Variants in KIAA0513 observed in about 807,000 individuals in gnomAD.
KIAA0513 encodes uncharacterized protein KIAA0513.
Under a neutral mutation model 56.5 loss-of-function variants are expected in KIAA0513, and 39 were observed. That is an observed-to-expected ratio of 0.69 (90% CI 0.53 to 0.90). KIAA0513 has a LOEUF of 0.90. KIAA0513 is among the 40% of genes least tolerant of loss of function. KIAA0513 has a pLI of 0.00. For synonymous variants in KIAA0513, 268 were observed against 215.6 expected (o/e 1.24, Z -2.13); for missense variants, 591 against 535.2 (o/e 1.10, Z -1.03).
chr16:85,079,134 T>C, intron 8 of KIAA0513, 131 bp downstream of exon 8: 1 of 1,516,730 alleles, frequency 6.6e-7, no homozygotes. Flanking sequence ...AGTGGCAGAA[T>C]AAAAAGATGA....
intron 1 of KIAA0513, among the ~76,000 whole-genome samples, chr16:85,064,195 A>G (rs1007834973): frequency 1.3e-5 from 2 of 151,738 alleles, no homozygotes; most frequent in African/African-American, 2.4e-5. Context: ...GAGTAGAGAC[A>G]GGGTTTCACC....
intron 6 of KIAA0513, 79 bp from the exon 7 acceptor site, chr16:85,078,336 G>C (rs1201128322): frequency 6.6e-7 from 1 of 1,507,298 alleles, no homozygotes; most frequent in Non-Finnish European, 9.2e-7. Context: ...TCCCACCTTA[G>C]AAGTGTAGAA....
intron 4 of KIAA0513, among the ~76,000 whole-genome samples, chr16:85,074,896 A>C (rs370614074): frequency 2.2e-4 from 33 of 152,190 alleles, no homozygotes; most frequent in South Asian, 8.3e-4. Flanking sequence ...GCACTAGGCT[A>C]AAAGTAATTC....
chr16:85,081,592 C>T lies in KIAA0513; in HGVS notation c.980+200C>T, dbSNP rs531439695. 6.6e-6 allele frequency among the ~76,000 whole-genome samples: 1 copy of T among 152,172 alleles called. No individual in the cohort carries two copies. Among genetic ancestry groups the T allele is most frequent in the South Asian group, 2.1e-4 (1 of 4,822 alleles). On this transcript the variant is annotated intron_variant, in intron 9 of 12. Transcript: ENST00000683363. This position sits in a 1 kb window ranked among gnomAD's most constrained non-coding sequence, Gnocchi z 4.4. ...GGTGGGGGTGCTCAGCTTGCATGAG[C>T]GCTTTCTGTCCTGGGGCTCTGGCAT...
At chr16:85,057,708 G>T (rs560061846) in intron 1 of KIAA0513, among the ~76,000 whole-genome samples, 2 of 152,050 alleles carry the variant, frequency 1.3e-5, no homozygotes, top group African/African-American at 4.8e-5. Flanking sequence ...GAGCTAGCCC[G>T]TATGCCAGTG....
Position 85,051,321 on chromosome 16 carries a change from C to T in KIAA0513, c.-172-15579C>T, listed in dbSNP as rs149864848. ...CCAAATTTAGATGTTTTCCTCTTCC[C>T]GGAGGTCATAAAATAGGACCTATCT... On this transcript the variant is annotated intron_variant, in intron 1 of 12. Coordinates refer to ENST00000683363, the MANE Select transcript of KIAA0513 (RefSeq NM_001388359.1). 8.0e-4 allele frequency among the ~76,000 whole-genome samples: 122 copies of T among 152,154 alleles called. 1 individual carries two copies. The East Asian group carries it at 0.022, about 27-fold the overall frequency.
intron 10 of KIAA0513, among the ~76,000 whole-genome samples, chr16:85,084,367 T>C (rs1201844383): frequency 6.7e-6 from 1 of 150,286 alleles, no homozygotes; most frequent in Non-Finnish European, 1.5e-5. Flanking sequence ...TGCCTCAGCC[T>C]CCCGAGTAGC....
intron 1 of KIAA0513, among the ~76,000 whole-genome samples, chr16:85,048,022 C>G (rs1156999960): frequency 6.6e-6 from 1 of 152,158 alleles, no homozygotes; most frequent in Admixed American, 6.5e-5. Flanking sequence ...ATAAGGAAAC[C>G]AGAACCATAA....
intron 1 of KIAA0513, among the ~76,000 whole-genome samples, chr16:85,054,649 C>T (rs374017984): frequency 2.0e-5 from 3 of 151,948 alleles, no homozygotes; most frequent in East Asian, 1.9e-4. Context: ...AAGCTGGTCT[C>T]GAACTCTTGA....
intron 1 of KIAA0513, among the ~76,000 whole-genome samples, chr16:85,044,077 G>C (rs993433601): frequency 6.6e-6 from 1 of 152,216 alleles, no homozygotes; most frequent in African/African-American, 2.4e-5. Context: ...CTTGCTTGTA[G>C]ACTGGCATGA....
At chr16:85,072,865 C>T in intron 3 of KIAA0513, 60 bp from the exon 4 acceptor site, 1 of 1,504,636 alleles carries the variant, frequency 6.6e-7, no homozygotes, top group South Asian at 1.1e-5. Context: ...CCTGCAGCTT[C>T]ACTGAGTGCT....
intron 1 of KIAA0513, among the ~76,000 whole-genome samples, chr16:85,060,150 G>A (rs949618073): frequency 3.3e-5 from 5 of 152,072 alleles, no homozygotes; most frequent in African/African-American, 4.8e-5. Context: ...TAATAGAGAC[G>A]GGATTTCACC....
chr16:85,038,707 C>CAA (rs769470751), intron 1 of KIAA0513, among the ~76,000 whole-genome samples: 4,588 of 69,694 alleles, frequency 0.066, 138 homozygotes, highest in Middle Eastern at 0.092. Flanking sequence ...GACTCAGCCT[C>CAA]AAAAAAAAAA....
intron 2 of KIAA0513, among the ~76,000 whole-genome samples, chr16:85,070,544 G>A (rs537364143): frequency 1.3e-5 from 2 of 152,286 alleles, no homozygotes; most frequent in Admixed American, 1.3e-4. Flanking sequence ...TGGGCGTGGT[G>A]GCAGGTGCCT....
intron 2 of KIAA0513, among the ~76,000 whole-genome samples, 159 bp downstream of exon 2, chr16:85,067,559 C>T (rs2073505949): frequency 1.3e-5 from 2 of 152,210 alleles, no homozygotes; most frequent in African/African-American, 4.8e-5. Flanking sequence ...CCTCACTCCA[C>T]TCCAGGCTGC....
chr16:85,045,896 G>A (rs545801253), intron 1 of KIAA0513, among the ~76,000 whole-genome samples: 4 of 152,238 alleles, frequency 2.6e-5, no homozygotes, highest in East Asian at 3.9e-4. Context: ...TGGACTTTCT[G>A]TACTTATCTT....
rs58670788 is a variant in KIAA0513 at position 85,034,177 on chromosome 16, G to A, written c.-173+6319G>A. Among the ~76,000 whole-genome samples the A allele has an allele frequency of 1.5e-3, 226 of 152,186 alleles. 2 individuals are homozygous for A. The highest frequency in any genetic ancestry group is 5.2e-3 in the African/African-American group (214 of 41,534). ...GTGGATCACTGGAGGTCAGGAGTTC[G>A]AGACCAGCCTGGCCAACATGGTGAA... On this transcript the variant is annotated intron_variant, in intron 1 of 12. Coordinates refer to ENST00000683363, the MANE Select transcript of KIAA0513 (RefSeq NM_001388359.1).
chr16:85,038,111 C>T (rs985858080), intron 1 of KIAA0513, among the ~76,000 whole-genome samples: 5 of 152,292 alleles, frequency 3.3e-5, no homozygotes, highest in Non-Finnish European at 4.4e-5. Flanking sequence ...CCCTGTAGCC[C>T]TCCCACCCTC....
chr16:85,081,481 A>G lies in KIAA0513; in HGVS notation c.980+89A>G, dbSNP rs1339929596. 17 of 1,164,646 alleles carry G rather than the reference A, an allele frequency of 1.5e-5. No homozygotes were observed. In the Admixed American group the frequency reaches 3.4e-4, roughly 23 times the overall value. 72.1% of individuals were successfully genotyped at this position (1,164,646 alleles called of 1,614,324 possible). A position where few individuals can be genotyped will look rare whatever the true frequency, so the allele number is the denominator to read the frequency against. Reference sequence around the variant, plus strand: ...CGGTTTCGGAAGAGGAGAGCAGAAGAGCAGCTGAGTGGACGTGTCTGTTTT... The same window carrying G: ...CGGTTTCGGAAGAGGAGAGCAGAAGGGCAGCTGAGTGGACGTGTCTGTTTT... On this transcript the variant is annotated intron_variant, in intron 9 of 12. Coordinates refer to ENST00000683363, the MANE Select transcript of KIAA0513 (RefSeq NM_001388359.1). This position sits in a 1 kb window ranked among gnomAD's most constrained non-coding sequence, Gnocchi z 4.4.
Sources: allele counts gnomAD v4.1 joint callset (sites outside exome capture counted in the v4.1 genomes callset), GRCh38; gene constraint gnomAD v4.1.1; non-coding constraint Gnocchi (gnomAD v3.1); transcripts MANE v1.5; gene names NCBI Gene and HGNC (gene_info 2026-07-23, HGNC 2026-07-21).